The following SMARCAD1 variants were observed in gnomAD, a reference collection of about 807,000 sequenced individuals.
SMARCAD1 encodes SNF2 related chromatin remodeling ATPase with DExD box 1, also known as SWI/SNF-related matrix-associated actin-dependent regulator of chromatin subfamily A containing DEAD/H box 1.
Under a neutral mutation model 127.1 loss-of-function variants are expected in SMARCAD1, and 25 were observed. That is an observed-to-expected ratio of 0.20 (90% CI 0.14 to 0.27). SMARCAD1 has a LOEUF of 0.27. Among genes scored for constraint, SMARCAD1 ranks in the 10% least tolerant of loss-of-function variants. SMARCAD1 has a pLI of 1.00. For synonymous variants in SMARCAD1, 400 were observed against 396.9 expected (o/e 1.01, Z -0.09); for missense variants, 807 against 1,206.0 (o/e 0.67, Z 4.90).
chr4:94,242,086 T>TACACC (rs1747669623), intron 6 of SMARCAD1, among the ~76,000 whole-genome samples: 2 of 152,040 alleles, frequency 1.3e-5, no homozygotes, highest in Non-Finnish European at 2.9e-5. Context: ...CAGGCTGGAG[T>TACACC]ACAGTGGTGT....
intron 14 of SMARCAD1, among the ~76,000 whole-genome samples, chr4:94,276,043 C>A (rs985345576): frequency 6.6e-6 from 1 of 151,996 alleles, no homozygotes; most frequent in Non-Finnish European, 1.5e-5. Context: ...GTGATCCGCC[C>A]GCCTCGGCCT....
At chr4:94,285,389 TTG>T (rs1408248621) in intron 23 of SMARCAD1, among the ~76,000 whole-genome samples, 1 of 152,120 alleles carries the variant, frequency 6.6e-6, no homozygotes, top group Non-Finnish European at 1.5e-5. Context: ...CCTTTTGTTT[TTG>T]TGTGTGTGTG....
At chr4:94,284,196 A>G (rs1345408899) in intron 22 of SMARCAD1, among the ~76,000 whole-genome samples, 1 of 149,952 alleles carries the variant, frequency 6.7e-6, no homozygotes, top group African/African-American at 2.5e-5. Flanking sequence ...GCGTGGTGGC[A>G]GGCGCCTGTA....
chr4:94,247,659 A>G (rs1748648592), intron 6 of SMARCAD1, among the ~76,000 whole-genome samples: 2 of 152,126 alleles, frequency 1.3e-5, no homozygotes, highest in African/African-American at 4.8e-5. Flanking sequence ...ATAGCATGCT[A>G]TACCCATTAA....
rs1753592060 is a variant in SMARCAD1, at chr4:94,278,403, A to T, written c.2083-19A>T. ...TTAAGTGAATAATTCCTAAAAGGATATGTTTTTATTTTGCTCAGAAATCAG... is the reference window on the plus strand; with the variant it reads ...TTAAGTGAATAATTCCTAAAAGGATTTGTTTTTATTTTGCTCAGAAATCAG... On this transcript the variant is annotated intron_variant, in intron 16 of 23. Transcript: ENST00000354268. 1 of 1,579,642 alleles carries T rather than the reference A, an allele frequency of 6.3e-7. No individual in the cohort carries two copies. Among genetic ancestry groups the T allele is most frequent in the Admixed American group, 1.7e-5 (1 of 59,946 alleles).
chr4:94,267,472 C>G (rs1409230133), intron 10 of SMARCAD1, among the ~76,000 whole-genome samples: 1 of 152,104 alleles, frequency 6.6e-6, no homozygotes, highest in Admixed American at 6.6e-5. Context: ...ATTTTAAACT[C>G]AAATTTATCA....
At chr4:94,249,631 TC>T (rs1748971631) in intron 6 of SMARCAD1, 22 bp from the exon 7 acceptor site, 1 of 1,250,588 alleles carries the variant, frequency 8.0e-7, no homozygotes, top group Admixed American at 1.7e-5. Context: ...TAAATTGTTT[TC>T]TTTTTTTTTT....
intron 10 of SMARCAD1, among the ~76,000 whole-genome samples, chr4:94,270,087 A>T (rs1752326884): frequency 6.6e-6 from 1 of 151,544 alleles, no homozygotes; most frequent in Admixed American, 6.6e-5. Flanking sequence ...CTACTCACTG[A>T]TGTTCACTGT....
intron 20 of SMARCAD1, 41 bp downstream of exon 20, chr4:94,280,821 T>C: frequency 6.3e-7 from 1 of 1,587,058 alleles, no homozygotes; most frequent in Non-Finnish European, 8.6e-7. Context: ...TTTTCTCAAT[T>C]ACTTTAACTT....
chr4:94,289,309 C>G (rs1201162739), intron 23 of SMARCAD1, among the ~76,000 whole-genome samples, 164 bp from the exon 24 acceptor site: 1 of 152,042 alleles, frequency 6.6e-6, no homozygotes, highest in East Asian at 1.9e-4. Flanking sequence ...TAGCCCTAAT[C>G]TAAGTAGAGC....
At position 94,270,712 on chromosome 4, in the gene SMARCAD1, ACT is replaced by A. The variant is rs748954002; in HGVS notation, c.1482-9_1482-8del. On this transcript the variant is annotated splice_polypyrimidine_tract_variant and intron_variant, in intron 10 of 23. Transcript: ENST00000354268. ...AAATATAGATGTGTAATATTTGGTA[ACT>A]CTCTCTTTACCAGTTTGTCACTCAA... The A allele has an allele frequency of 2.5e-6, 4 of 1,602,836 alleles. No homozygotes were observed. The highest frequency in any genetic ancestry group is 2.6e-6 in the Non-Finnish European group (3 of 1,170,022).
intron 23 of SMARCAD1, among the ~76,000 whole-genome samples, chr4:94,285,760 G>A (rs556462355): frequency 5.9e-5 from 9 of 152,186 alleles, no homozygotes; most frequent in African/African-American, 1.9e-4. Context: ...GGAGGTGGGC[G>A]GTAGAGAAAG....
At chr4:94,240,029 A>G (rs1304718460) in intron 5 of SMARCAD1, among the ~76,000 whole-genome samples, 11 of 152,208 alleles carry the variant, frequency 7.2e-5, no homozygotes, top group Admixed American at 3.3e-4. Flanking sequence ...TGTTAATAAC[A>G]TTCCATTTTT....
intron 8 of SMARCAD1, 107 bp from the exon 9 acceptor site, chr4:94,252,509 C>G: frequency 1.5e-6 from 1 of 688,224 alleles, no homozygotes; most frequent in South Asian, 3.1e-5. Flanking sequence ...TCGTTGAATT[C>G]TTCTGTATTC....
intron 2 of SMARCAD1, among the ~76,000 whole-genome samples, chr4:94,213,469 G>C (rs189830456): frequency 3.0e-4 from 46 of 152,282 alleles, no homozygotes; most frequent in South Asian, 4.1e-4. Context: ...TGAAAAGATA[G>C]AAGTGTAAAC....
At chr4:94,219,992 C>T (rs1743846926) in intron 2 of SMARCAD1, among the ~76,000 whole-genome samples, 1 of 152,148 alleles carries the variant, frequency 6.6e-6, no homozygotes, top group South Asian at 2.1e-4. Flanking sequence ...ACTATTCTTT[C>T]CTCTGTTTTT....
At chr4:94,276,915 A>AT in intron 15 of SMARCAD1, 107 bp from the exon 16 acceptor site, 1 of 1,123,010 alleles carries the variant, frequency 8.9e-7, no homozygotes, top group Non-Finnish European at 1.3e-6. Context: ...ATTATTAATA[A>AT]TGGTTTTAAT....
chr4:94,245,333 C>T (rs1474582099), intron 6 of SMARCAD1, among the ~76,000 whole-genome samples: 1 of 152,146 alleles, frequency 6.6e-6, no homozygotes, highest in Non-Finnish European at 1.5e-5. Context: ...TATGCCATGA[C>T]AGTGTAATAC....
intron 6 of SMARCAD1, among the ~76,000 whole-genome samples, chr4:94,244,833 A>G (rs1228260586): frequency 3.3e-5 from 5 of 151,998 alleles, no homozygotes; most frequent in Admixed American, 6.6e-5. Context: ...AATTCAACCT[A>G]TGTCACATTC....
Sources: gnomAD v4.1 joint callset for allele counts (sites outside exome capture counted in the v4.1 genomes callset) on GRCh38, gnomAD v4.1.1 for gene constraint, MANE v1.5 for transcripts, NCBI Gene and HGNC (gene_info 2026-07-23, HGNC 2026-07-21) for gene names.